Variants in CRKL observed in about 807,000 individuals in gnomAD.
The protein encoded by CRKL is crk-like protein.
A neutral mutation model predicts 23.0 loss-of-function variants in CRKL; 3 were observed. The observed-to-expected ratio is 0.13, with a 90% CI of 0.06 to 0.34. CRKL has a LOEUF of 0.34. Ranked by LOEUF, CRKL falls within the 10% of genes least tolerant of loss-of-function variation. The pLI is 1.00. For synonymous variants in CRKL, 188 were observed against 160.7 expected (o/e 1.17, Z -1.28); for missense variants, 256 against 394.5 (o/e 0.65, Z 2.97).
chr22:20,934,014 A>C lies in CRKL; in HGVS notation c.547A>C (p.Arg183=). 4 of 1,614,184 alleles carry C rather than the reference A, an allele frequency of 2.5e-6. No individual in the cohort carries two copies. In the South Asian group the frequency reaches 4.4e-5, roughly 18 times the overall value. Residue 183 remains arginine (R), a synonymous_variant, in exon 2 of 3, where the codon AGA becomes CGA. Transcript: ENST00000354336. ...IPVPYVEKLV[R]SSPHGKHGNR... is the part of the protein sequence containing the mutation. ...TGTCCCTTATGTCGAAAAGCTTGTG[A>C]GATCCTCACCACACGGAAAGCATGG... is the stretch of plus-strand genomic sequence containing the variant.
chr22:20,938,680 GTAA>G (rs1266355466), intron 2 of CRKL, among the ~76,000 whole-genome samples: 1 of 152,198 alleles, frequency 6.6e-6, no homozygotes, highest in Non-Finnish European at 1.5e-5. Flanking sequence ...TGACTGTCAT[GTAA>G]TAATATCATT....
At position 20,917,482 on chromosome 22, in the gene CRKL, T is replaced by C. The variant is rs1259462728; in HGVS notation, c.-453T>C. On this transcript the variant is annotated 5_prime_UTR_variant, in exon 1 of 3. Transcript: ENST00000354336. ...GTCCGCCATTTTGTTGCTGTGGCTATTGGGAACAAGCTGGGCAAAAGCACC... is the reference window on the plus strand; with the variant it reads ...GTCCGCCATTTTGTTGCTGTGGCTACTGGGAACAAGCTGGGCAAAAGCACC... 1 of 237,056 alleles carries C rather than the reference T, an allele frequency of 4.2e-6. No individual in the cohort carries two copies. The highest frequency in any genetic ancestry group is 8.3e-6 in the Non-Finnish European group (1 of 121,020). 14.7% of individuals were successfully genotyped at this position (237,056 alleles called of 1,614,324 possible). A position where few individuals can be genotyped will look rare whatever the true frequency, so the allele number is the denominator to read the frequency against.
intron 1 of CRKL, among the ~76,000 whole-genome samples, chr22:20,922,345 AAG>A (rs1166218280): frequency 6.6e-6 from 1 of 151,946 alleles, no homozygotes. Context: ...TTAAAGGAGA[AAG>A]GGGGACATAT....
intron 1 of CRKL, among the ~76,000 whole-genome samples, chr22:20,922,893 G>T (rs1488482103): frequency 6.6e-6 from 1 of 151,846 alleles, no homozygotes; most frequent in Non-Finnish European, 1.5e-5. Context: ...GGCTGGTCTT[G>T]AACTCTTGAC....
At position 20,951,176 on chromosome 22, in the gene CRKL, C is replaced by T. The variant is rs1922259841; in HGVS notation, c.*1331C>T. Reference sequence around the variant, plus strand: ...CTCATTAATGAATCGTTCAACTCCACTCACTGAAGCCCAGACCTCCGTGCC... The same window carrying T: ...CTCATTAATGAATCGTTCAACTCCATTCACTGAAGCCCAGACCTCCGTGCC... On this transcript the variant is annotated 3_prime_UTR_variant, in exon 3 of 3. Coordinates refer to ENST00000354336, the MANE Select transcript of CRKL (RefSeq NM_005207.4). 2 of 232,364 alleles carry T rather than the reference C, an allele frequency of 8.6e-6. No individual in the cohort carries two copies. Among genetic ancestry groups the T allele is most frequent in the Non-Finnish European group, 1.7e-5 (2 of 117,572 alleles). 14.4% of individuals were successfully genotyped at this position (232,364 alleles called of 1,614,324 possible).
In CRKL at chr22:20,918,170, A is replaced by G. The variant is rs1929760049; in HGVS notation, c.236A>G (p.Asp79Gly). The G allele has an allele frequency of 1.2e-6, 2 of 1,613,892 alleles. No individual in the cohort carries two copies. Among genetic ancestry groups the G allele is most frequent in the Non-Finnish European group, 1.7e-6 (2 of 1,179,972 alleles). Residue 79 changes from aspartate to glycine, a missense_variant, in exon 1 of 3, where the codon GAC becomes GGC. Asp to Gly is a moderately conservative substitution (Grantham distance 94). Transcript: ENST00000354336. ...RRFKIGDQEF[D>G]HLPALLEFYK... ...TTTAAGATCGGGGACCAGGAATTTG[A>G]CCATTTGCCGGCCCTGCTGGAGTTT...
Position 20,950,558 on chromosome 22 carries a change from C to A in CRKL, c.*713C>A. ...CCTCCCAAGTAGCTGGGACTGCAGGCGCGCACACCACGCCCAGCTAATTTT... is the reference window on the plus strand; with the variant it reads ...CCTCCCAAGTAGCTGGGACTGCAGGAGCGCACACCACGCCCAGCTAATTTT... On this transcript the variant is annotated 3_prime_UTR_variant, in exon 3 of 3. Transcript: ENST00000354336. 1 of 222,990 alleles carries A rather than the reference C, an allele frequency of 4.5e-6. No homozygotes were observed. Among genetic ancestry groups the A allele is most frequent in the African/African-American group, 2.2e-5 (1 of 44,832 alleles). The allele number at this position is 222,990 out of a possible 1,614,324, so 13.8% of individuals were successfully genotyped here. A position where few individuals can be genotyped will look rare whatever the true frequency, so the allele number is the denominator to read the frequency against.
chr22:20,932,585 G>A (rs1343408317), intron 1 of CRKL, among the ~76,000 whole-genome samples: 1 of 152,074 alleles, frequency 6.6e-6, no homozygotes, highest in Non-Finnish European at 1.5e-5. Context: ...GGCAGCTTCC[G>A]AACTTACTTG....
At chr22:20,945,249 T>C (rs1273469364) in intron 2 of CRKL, among the ~76,000 whole-genome samples, 2 of 152,110 alleles carry the variant, frequency 1.3e-5, no homozygotes, top group Non-Finnish European at 2.9e-5. Context: ...TGCCTCGGCC[T>C]CCCAAAGTGC....
At chr22:20,939,011 T>TTG (rs1230911315) in intron 2 of CRKL, among the ~76,000 whole-genome samples, 1 of 152,198 alleles carries the variant, frequency 6.6e-6, no homozygotes, top group African/African-American at 2.4e-5. Context: ...AAAGGTTGTA[T>TTG]TGATACCTTA....
chr22:20,939,183 G>C (rs1921769234), intron 2 of CRKL, among the ~76,000 whole-genome samples: 1 of 150,250 alleles, frequency 6.7e-6, no homozygotes, highest in African/African-American at 2.5e-5. Context: ...GGATACAGTA[G>C]TGAACAAAAC....
chr22:20,940,721 C>T (rs1334409800), intron 2 of CRKL, among the ~76,000 whole-genome samples: 1 of 152,016 alleles, frequency 6.6e-6, no homozygotes. Context: ...ATTGTCTTTG[C>T]CCCATTTCAA....
At chr22:20,921,950 C>T (rs2097516683) in intron 1 of CRKL, among the ~76,000 whole-genome samples, 1 of 150,788 alleles carries the variant, frequency 6.6e-6, no homozygotes, top group South Asian at 2.1e-4. Flanking sequence ...CCTAGTGATC[C>T]GCCCGCCTCG....
intron 2 of CRKL, among the ~76,000 whole-genome samples, chr22:20,943,406 A>T (rs867784480): frequency 5.9e-5 from 9 of 151,734 alleles, no homozygotes; most frequent in Admixed American, 2.0e-4. Context: ...TACCCCGCTA[A>T]TTTTTTGTAT....
rs1601675667 is a variant in CRKL at position 20,927,257 on chromosome 22, C to T, written c.312-6522C>T. On this transcript the variant is annotated intron_variant, in intron 1 of 2. Transcript: ENST00000354336. The stretch of plus-strand genomic sequence containing the variant: ...CCAGGCTGAAGTGCAGTGGCATGAT[C>T]TCGGTTCACTGCAGTCTCCACCTCC... Among the ~76,000 whole-genome samples the T allele has an allele frequency of 3.4e-5, 4 of 118,642 alleles. No individual in the cohort carries two copies. In the Admixed American group the frequency reaches 4.2e-4, roughly 12 times the overall value. The allele number at this position is 118,642 out of a possible 152,430, so 77.8% of individuals were successfully genotyped here. A position where few individuals can be genotyped will look rare whatever the true frequency, so the allele number is the denominator to read the frequency against.
intron 1 of CRKL, among the ~76,000 whole-genome samples, chr22:20,921,449 GA>G (rs1920992614): frequency 6.6e-6 from 1 of 151,492 alleles, no homozygotes; most frequent in Non-Finnish European, 1.5e-5. Context: ...TCTTCCTGTG[GA>G]ACTCCTACTG....
chr22:20,920,972 G>C (rs1920985927), intron 1 of CRKL, among the ~76,000 whole-genome samples: 1 of 152,176 alleles, frequency 6.6e-6, no homozygotes, highest in South Asian at 2.1e-4. Context: ...TCACCATGCT[G>C]GTTGAATTAG....
At chr22:20,930,247 A>G (rs1426098715) in intron 1 of CRKL, among the ~76,000 whole-genome samples, 1 of 152,232 alleles carries the variant, frequency 6.6e-6, no homozygotes, top group Non-Finnish European at 1.5e-5. Flanking sequence ...GGGATCAGCA[A>G]ACTGTTGAGT....
At position 20,917,961 on chromosome 22, in the gene CRKL, G is replaced by C. The variant is rs747983440; in HGVS notation, c.27G>C (p.Ser9=). The part of the protein sequence containing the change: MSSARFDS[S]DRSAWYMGPV... ...TGTCCTCCGCCAGGTTCGACTCCTC[G>C]GACCGCTCCGCCTGGTATATGGGGC... Residue 9 remains serine, a synonymous_variant, in exon 1 of 3, where the codon TCG becomes TCC. Coordinates refer to ENST00000354336, the MANE Select transcript of CRKL (RefSeq NM_005207.4). The C allele has an allele frequency of 6.2e-7, 1 of 1,614,006 alleles. No homozygotes were observed. Among genetic ancestry groups the C allele is most frequent in the Non-Finnish European group, 8.5e-7 (1 of 1,180,016 alleles).
Sources: gnomAD v4.1 joint callset for allele counts (sites outside exome capture counted in the v4.1 genomes callset) on GRCh38, gnomAD v4.1.1 for gene constraint, MANE v1.5 for transcripts, NCBI Gene and HGNC (gene_info 2026-07-23, HGNC 2026-07-21) for gene names.